Variants in FNIP2 observed in about 807,000 individuals in gnomAD.
The protein encoded by FNIP2 is folliculin interacting protein 2.
FNIP2 carries 32 observed loss-of-function variants against 108.7 expected under a neutral mutation model. That is an observed-to-expected ratio of 0.29 (90% CI 0.22 to 0.40). The LOEUF (loss-of-function observed/expected upper bound fraction) is 0.40. FNIP2 is among the 10% of genes least tolerant of loss of function. FNIP2 has a pLI of 1.00. For synonymous variants in FNIP2, 480 were observed against 496.7 expected, an observed-to-expected ratio of 0.97 and a Z score of 0.45; for missense variants, 1,202 against 1,381.6, an observed-to-expected ratio of 0.87 and a Z score of 2.06.
chr4:158,832,655 T>A (rs1778548088), intron 5 of FNIP2, among the ~76,000 whole-genome samples: 1 of 152,230 alleles, frequency 6.6e-6, no homozygotes, highest in African/African-American at 2.4e-5. Context: ...CCTGGGAAAT[T>A]AAAAATATTT....
chr4:158,869,464 G>A (rs1347626671), intron 13 of FNIP2, 36 bp downstream of exon 13: 3 of 1,532,032 alleles, frequency 2.0e-6, no homozygotes, highest in South Asian at 2.5e-5. Context: ...AGGGAACTGG[G>A]TTCAAATCCC....
intron 1 of FNIP2, among the ~76,000 whole-genome samples, chr4:158,797,238 A>T (rs1310995635): frequency 6.6e-6 from 1 of 152,244 alleles, no homozygotes; most frequent in Non-Finnish European, 1.5e-5. Context: ...CTGTCAAACC[A>T]AAACTGAAGG....
intron 1 of FNIP2, among the ~76,000 whole-genome samples, chr4:158,785,755 A>T: frequency 7.0e-6 from 1 of 142,400 alleles, no homozygotes; most frequent in Non-Finnish European, 1.5e-5. Flanking sequence ...AGATTGTTTA[A>T]TTTTCTATAC....
At position 158,785,617 on chromosome 4, in the gene FNIP2, C is replaced by T. The variant is rs1032200918; in HGVS notation, c.107+16298C>T. On this transcript the variant is annotated intron_variant, in intron 1 of 16. Coordinates refer to ENST00000264433, the MANE Select transcript of FNIP2 (RefSeq NM_020840.3). ...GTGGTAGAATTACAGGCGTGAGGTC[C>T]CGCGCCCAGCCCTACCCATGCTTCT... Among the ~76,000 whole-genome samples, 27 of 152,144 alleles carry T rather than the reference C, an allele frequency of 1.8e-4. No individual in the cohort carries two copies. The East Asian group carries it at 2.1e-3, about 12-fold the overall frequency.
chr4:158,872,287 T>C, intron 14 of FNIP2: 3 of 985,478 alleles, frequency 3.0e-6, no homozygotes, highest in Non-Finnish European at 3.6e-6. Flanking sequence ...TATGTTTCCA[T>C]AGGCTGGCAA....
Position 158,868,372 on chromosome 4 carries a change from T to C in FNIP2, c.1736T>C (p.Val579Ala), listed in dbSNP as rs1283191040. The change falls in exon 13 of 17, where the codon GTA (valine) becomes GCA (alanine). Residue 579 changes from valine (V) to alanine (A), a missense_variant. Transcript: ENST00000264433. This position sits in a 1 kb window ranked among gnomAD's most constrained non-coding sequence, Gnocchi z 4.6. ...ACGGTGAGGAACGAGCCCGCTCTTG[T>C]ACCCCCCATCCTACCACCAACAGCA... ...VITVRNEPAL[V>A]PPILPPTAAE... 6.2e-7 allele frequency: 1 copy of C among 1,613,978 alleles called. No individual in the cohort carries two copies. The highest frequency in any genetic ancestry group is 2.2e-5 in the East Asian group (1 of 44,880).
intron 1 of FNIP2, among the ~76,000 whole-genome samples, chr4:158,816,944 T>C (rs1352502728): frequency 1.3e-5 from 2 of 152,094 alleles, no homozygotes; most frequent in African/African-American, 4.8e-5. Context: ...CATTTAAGAA[T>C]TAAGGGAACC....
At chr4:158,872,237 C>A in intron 14 of FNIP2, 2 of 985,322 alleles carry the variant, frequency 2.0e-6, no homozygotes, top group Non-Finnish European at 2.4e-6. Flanking sequence ...GATTGATAAC[C>A]CTCCTTGAAC....
intron 6 of FNIP2, chr4:158,834,567 G>T (rs528520638): frequency 2.0e-5 from 3 of 152,114 alleles, no homozygotes; most frequent in Non-Finnish European, 2.9e-5. Flanking sequence ...TACCTACTTA[G>T]AGTGAGGAAA....
At chr4:158,780,248 C>G (rs1282773784) in intron 1 of FNIP2, among the ~76,000 whole-genome samples, 1 of 151,532 alleles carries the variant, frequency 6.6e-6, no homozygotes, top group Non-Finnish European at 1.5e-5. Context: ...TATTATAATA[C>G]AAATAGCCAC....
At position 158,861,333 on chromosome 4, in the gene FNIP2, G is replaced by A; in HGVS notation, c.1149-9G>A. 6.2e-7 allele frequency: 1 copy of A among 1,609,418 alleles called. No homozygotes were observed. The highest frequency in any genetic ancestry group is 8.5e-7 in the Non-Finnish European group (1 of 1,178,468). ...CACTTTTGTGTTTCCCTCTCTTTCT[G>A]TTCTATAGAGGAACTATCTGGAACT... On this transcript the variant is annotated splice_polypyrimidine_tract_variant and intron_variant, in intron 10 of 16. Coordinates refer to ENST00000264433, the MANE Select transcript of FNIP2 (RefSeq NM_020840.3).
Position 158,869,204 on chromosome 4 carries a change from G to A in FNIP2, c.2568G>A (p.Arg856=). 1.2e-6 allele frequency: 2 copies of A among 1,614,076 alleles called. No individual in the cohort carries two copies. The highest frequency in any genetic ancestry group is 1.7e-6 in the Non-Finnish European group (2 of 1,179,902). The change falls in exon 13 of 17, where the codon AGG becomes AGA. Residue 856 remains arginine, a synonymous_variant. Transcript: ENST00000264433. The stretch of plus-strand genomic sequence containing the variant: ...CTGTGCTGGAGCCTGTTGCCCCCAG[G>A]TGTGTCCAGCGGGGCCCTGGCCTCG... ...EGPVLEPVAP[R]CVQRGPGLVA...
intron 1 of FNIP2, 148 bp downstream of exon 1, chr4:158,769,467 A>T: frequency 2.3e-6 from 1 of 444,072 alleles, no homozygotes; most frequent in Non-Finnish European, 3.8e-6. Context: ...GTCAGCGTGG[A>T]CGCGCCTGAT....
Position 158,906,853 on chromosome 4 carries a change from G to A in FNIP2, c.*2309G>A, listed in dbSNP as rs1403568893. 2 of 151,662 alleles carry A rather than the reference G, an allele frequency of 1.3e-5. No individual in the cohort carries two copies. Among genetic ancestry groups the A allele is most frequent in the East Asian group, 1.9e-4 (1 of 5,194 alleles). 9.4% of individuals were successfully genotyped at this position (151,662 alleles called of 1,614,324 possible). ...TTGTGTTGAGATCCACCGCTCACAC[G>A]CCGTACACCACCCAGTGGCTTCATT... On this transcript the variant is annotated 3_prime_UTR_variant, in exon 17 of 17. Coordinates refer to ENST00000264433, the MANE Select transcript of FNIP2 (RefSeq NM_020840.3).
In FNIP2 at chr4:158,861,602, C is replaced by T. The variant is rs770192504; in HGVS notation, c.1296-5C>T. On this transcript the variant is annotated splice_region_variant and splice_polypyrimidine_tract_variant and intron_variant, in intron 11 of 16. Coordinates refer to ENST00000264433, the MANE Select transcript of FNIP2 (RefSeq NM_020840.3). ...GTTGGTTGTATCTTTTTCCATTTCT[C>T]CAAGGTTTTTTGCTGCCTTACTGAC... 18 of 1,613,842 alleles carry T rather than the reference C, an allele frequency of 1.1e-5. No individual in the cohort carries two copies. The highest frequency in any genetic ancestry group is 2.2e-5 in the East Asian group (1 of 44,904).
intron 1 of FNIP2, among the ~76,000 whole-genome samples, chr4:158,804,858 T>G (rs2126485049): frequency 6.6e-6 from 1 of 152,320 alleles, no homozygotes; most frequent in East Asian, 1.9e-4. Context: ...GAATTCATTT[T>G]CTCCTAATCT....
chr4:158,904,792 AACTG>A lies in FNIP2; in HGVS notation c.*251_*254del, dbSNP rs1729685107. ...TTTGTTACCCATGAATCAACAAAGA[AACTG>A]ACCTTTTTGGTAGGAGGAAACATAA... On this transcript the variant is annotated 3_prime_UTR_variant, in exon 17 of 17. Transcript: ENST00000264433. The A allele has an allele frequency of 4.3e-6, 2 of 462,746 alleles. No homozygotes were observed. Among genetic ancestry groups the A allele is most frequent in the Non-Finnish European group, 7.9e-6 (2 of 254,308 alleles). 28.7% of individuals were successfully genotyped at this position (462,746 alleles called of 1,614,324 possible).
In FNIP2 at chr4:158,868,891, G is replaced by T. The variant is rs1317266128; in HGVS notation, c.2255G>T (p.Ser752Ile). The T allele has an allele frequency of 6.2e-7, 1 of 1,614,038 alleles. No individual in the cohort carries two copies. Among genetic ancestry groups the T allele is most frequent in the Admixed American group, 1.7e-5 (1 of 60,032 alleles). ...VKACGPSLEA[S>I]EAADVAQDPQ... Reference sequence around the variant, plus strand: ...GCCTGTGGCCCCTCCTTGGAGGCCAGTGAGGCTGCTGATGTGGCTCAGGAC... The same window carrying T: ...GCCTGTGGCCCCTCCTTGGAGGCCATTGAGGCTGCTGATGTGGCTCAGGAC... Residue 752 changes from serine to isoleucine, a missense_variant, in exon 13 of 17, where the codon AGT becomes ATT. Physicochemically the swap from Ser to Ile is moderately radical, Grantham distance 142 (BLOSUM62 -2). Coordinates refer to ENST00000264433, the MANE Select transcript of FNIP2 (RefSeq NM_020840.3). This position sits in a 1 kb window ranked among gnomAD's most constrained non-coding sequence, Gnocchi z 4.6.
At chr4:158,810,653 A>G (rs1046839948) in intron 1 of FNIP2, among the ~76,000 whole-genome samples, 5 of 152,240 alleles carry the variant, frequency 3.3e-5, no homozygotes, top group African/African-American at 9.6e-5. Flanking sequence ...GGAGATTTTC[A>G]TAGACGCTAA....
Sources: gnomAD v4.1 joint callset for allele counts (sites outside exome capture counted in the v4.1 genomes callset) on GRCh38, gnomAD v4.1.1 for gene constraint, Gnocchi (gnomAD v3.1) non-coding constraint, MANE v1.5 for transcripts, NCBI Gene and HGNC (gene_info 2026-07-23, HGNC 2026-07-21) for gene names.